MYT1L: variants seen among roughly 807,000 people sequenced by gnomAD.
The protein encoded by MYT1L is myelin transcription factor 1 like, also known as myelin transcription factor 1-like protein.
MYT1L carries 12 observed loss-of-function variants against 126.7 expected under a neutral mutation model. That is an observed-to-expected ratio of 0.09 (90% confidence interval 0.06 to 0.15). MYT1L has a LOEUF of 0.15. Among genes scored for constraint, MYT1L ranks in the 10% least tolerant of loss-of-function variants. The pLI, the probability that MYT1L is intolerant of heterozygous loss-of-function variation, is 1.00. For synonymous variants in MYT1L, 541 were observed against 604.2 expected (o/e 0.90, Z 1.53); for missense variants, 979 against 1,585.2 (o/e 0.62, Z 6.49).
At chr2:2,252,679 G>A (rs898671485) in intron 2 of MYT1L, among the ~76,000 whole-genome samples, 2 of 152,192 alleles carry the variant, frequency 1.3e-5, no homozygotes, top group African/African-American at 2.4e-5. Context: ...GGCATGCAAA[G>A]CTCCCCTGTC....
chr2:2,158,748 A>G (rs562730990), intron 3 of MYT1L, among the ~76,000 whole-genome samples: 43 of 151,920 alleles, frequency 2.8e-4, no homozygotes, highest in Non-Finnish European at 5.9e-5. Context: ...GGATATAAAG[A>G]CCTTAATATC....
intron 4 of MYT1L, among the ~76,000 whole-genome samples, chr2:2,033,585 T>C (rs1194287197): frequency 6.6e-6 from 1 of 152,130 alleles, no homozygotes; most frequent in Non-Finnish European, 1.5e-5. Flanking sequence ...TTCTGCAATA[T>C]GTGAAGGTGA....
At chr2:2,083,393 G>T (rs2150332629) in intron 3 of MYT1L, among the ~76,000 whole-genome samples, 1 of 152,312 alleles carries the variant, frequency 6.6e-6, no homozygotes, top group South Asian at 2.1e-4. Context: ...AATGAGCAGA[G>T]ATCCCACAGC....
intron 3 of MYT1L, among the ~76,000 whole-genome samples, chr2:2,090,844 A>G (rs1274751501): frequency 6.6e-6 from 1 of 152,222 alleles, no homozygotes; most frequent in African/African-American, 2.4e-5. Context: ...CATCTTCACC[A>G]GAAGTAGATT....
intron 4 of MYT1L, among the ~76,000 whole-genome samples, chr2:2,004,786 T>A (rs2062998135): frequency 1.2e-5 from 1 of 84,470 alleles, no homozygotes; most frequent in African/African-American, 7.9e-5. Flanking sequence ...CTGCAGGCAT[T>A]CTTTCCTGCA....
chr2:1,983,045 T>C (rs1008855129), intron 5 of MYT1L, among the ~76,000 whole-genome samples: 4 of 152,244 alleles, frequency 2.6e-5, no homozygotes, highest in Non-Finnish European at 5.9e-5. Context: ...ACTTATTTTT[T>C]TTCCAGTCAG....
At chr2:1,919,558 C>A (rs2053295310) in intron 10 of MYT1L, among the ~76,000 whole-genome samples, 1 of 152,112 alleles carries the variant, frequency 6.6e-6, no homozygotes, top group South Asian at 2.1e-4. Flanking sequence ...TAATTTAAAT[C>A]AGTTTGAGAA....
At chr2:2,053,540 A>G (rs991343483) in intron 4 of MYT1L, among the ~76,000 whole-genome samples, 3 of 152,222 alleles carry the variant, frequency 2.0e-5, no homozygotes, top group Non-Finnish European at 4.4e-5. Context: ...AGAAACCTAC[A>G]GGAACCCTAG....
chr2:2,121,381 T>C (rs751560735), intron 3 of MYT1L, among the ~76,000 whole-genome samples: 1 of 152,002 alleles, frequency 6.6e-6, no homozygotes, highest in Non-Finnish European at 1.5e-5. Flanking sequence ...TTCACTATGT[T>C]GGCCAGGCTG....
rs1383667751 is a variant in MYT1L, at chr2:1,806,051, C to T, written c.3172+3025G>A. On this transcript the variant is annotated intron_variant, in intron 22 of 24. Transcript: ENST00000647738. The surrounding 1 kb of genome is among the most constrained non-coding windows in gnomAD (Gnocchi z 4.9). ...TGTGCCTCTGTCCCCTGAAGAGCCG[C>T]AGGAATTGGATGCTGTGCCTCTGTC... Among the ~76,000 whole-genome samples, 1 of 144,246 alleles carries T rather than the reference C, an allele frequency of 6.9e-6. No individual in the cohort carries two copies. The highest frequency in any genetic ancestry group is 7.0e-5 in the Admixed American group (1 of 14,370). The allele number at this position is 144,246 out of a possible 152,430, so 94.6% of individuals were successfully genotyped here.
At chr2:2,204,528 C>A (rs2093230575) in intron 2 of MYT1L, among the ~76,000 whole-genome samples, 2 of 143,234 alleles carry the variant, frequency 1.4e-5, no homozygotes, top group South Asian at 4.3e-4. Flanking sequence ...CCATCACTGG[C>A]CATCAGAGAA....
chr2:2,015,158 T>G (rs2064244910), intron 4 of MYT1L, among the ~76,000 whole-genome samples: 1 of 152,154 alleles, frequency 6.6e-6, no homozygotes. Flanking sequence ...AAGGGATGCA[T>G]GGCCTCAAGA....
intron 3 of MYT1L, among the ~76,000 whole-genome samples, chr2:2,064,826 T>G (rs1048431949): frequency 3.9e-5 from 6 of 152,252 alleles, no homozygotes; most frequent in Non-Finnish European, 7.3e-5. Context: ...CCTCATTTAT[T>G]TTCATTATGA....
rs187128053 is a variant in MYT1L, at chr2:2,048,634, T to A, written c.-158+5344A>T. On this transcript the variant is annotated intron_variant, in intron 4 of 24. Coordinates refer to ENST00000647738, the MANE Select transcript of MYT1L (RefSeq NM_001303052.2). ...AACTCATCTCTGGCAATCTCCTGCC[T>A]CCCATCCTCCTAGGTGGACCCCTGG... Among the ~76,000 whole-genome samples, 65 of 152,282 alleles carry A rather than the reference T, an allele frequency of 4.3e-4. No homozygotes were observed. The East Asian group carries it at 0.012, about 29-fold the overall frequency.
intron 1 of MYT1L, chr2:2,326,941 G>A (rs571938640): frequency 6.6e-6 from 1 of 152,280 alleles, no homozygotes; most frequent in Non-Finnish European, 1.5e-5. Flanking sequence ...GGGGGCAGAA[G>A]AGAGAGAAAG....
Position 2,053,979 on chromosome 2 carries a change from T to C in MYT1L, c.-159A>G, listed in dbSNP as rs1230286803. 6.6e-6 allele frequency: 1 copy of C among 152,656 alleles called. No individual in the cohort carries two copies. Among genetic ancestry groups the C allele is most frequent in the Admixed American group, 6.5e-5 (1 of 15,288 alleles). 9.5% of individuals were successfully genotyped at this position (152,656 alleles called of 1,614,324 possible). On this transcript the variant is annotated splice_region_variant and 5_prime_UTR_variant, in exon 4 of 25. Transcript: ENST00000647738. ...TTAATACCACATAGAGTTCCTCACC[T>C]TTAGGTGGCTCCTCGGATATCCATA...
chr2:2,139,916 T>A (rs1446798541), intron 3 of MYT1L, among the ~76,000 whole-genome samples: 1 of 152,228 alleles, frequency 6.6e-6, no homozygotes, highest in African/African-American at 2.4e-5. Flanking sequence ...TTGTTTGTTC[T>A]ATTCTTAAGA....
intron 2 of MYT1L, among the ~76,000 whole-genome samples, chr2:2,219,157 T>G (rs748923027): frequency 1.3e-5 from 2 of 152,166 alleles, no homozygotes; most frequent in Non-Finnish European, 2.9e-5. Flanking sequence ...GAAAATGATT[T>G]TACAGTTTTG....
At chr2:1,863,057 T>C (rs1444014575) in intron 18 of MYT1L, among the ~76,000 whole-genome samples, 1 of 152,148 alleles carries the variant, frequency 6.6e-6, no homozygotes, top group African/African-American at 2.4e-5. Flanking sequence ...CTGGGAATGG[T>C]AGCGTGTCCA....
Sources: gnomAD v4.1 joint callset for allele counts (sites outside exome capture counted in the v4.1 genomes callset) on GRCh38, gnomAD v4.1.1 for gene constraint, Gnocchi (gnomAD v3.1) non-coding constraint, MANE v1.5 for transcripts, NCBI Gene and HGNC (gene_info 2026-07-23, HGNC 2026-07-21) for gene names.